Variants in CADPS2 observed in about 807,000 individuals in gnomAD.
CADPS2 encodes the protein calcium dependent secretion activator 2, also known as calcium-dependent secretion activator 2.
A neutral mutation model predicts 172.5 loss-of-function variants in CADPS2; 93 were observed. The observed-to-expected ratio is 0.54, with a 90% CI of 0.46 to 0.64. The LOEUF is 0.64. Ranked by LOEUF, CADPS2 falls within the 30% of genes least tolerant of loss-of-function variation. The pLI, the probability that CADPS2 is intolerant of heterozygous loss-of-function variation, is 0.00. For synonymous variants in CADPS2, 546 were observed against 555.2 expected (o/e 0.98, Z 0.23); for missense variants, 1,420 against 1,565.9 (o/e 0.91, Z 1.57).
At chr7:122,335,734 A>G (rs1585084122) in intron 28 of CADPS2, among the ~76,000 whole-genome samples, 1 of 152,212 alleles carries the variant, frequency 6.6e-6, no homozygotes, top group Non-Finnish European at 1.5e-5. Context: ...GTTTCAAAGG[A>G]CAGCCACAAA....
At chr7:122,698,198 C>G (rs778338616) in intron 2 of CADPS2, 2 of 1,613,910 alleles carry the variant, frequency 1.2e-6, no homozygotes, top group South Asian at 2.2e-5. Context: ...TCTTTTACTA[C>G]TCGAAGTTGG....
chr7:122,535,145 C>T (rs1052986956), intron 8 of CADPS2, among the ~76,000 whole-genome samples: 3 of 152,042 alleles, frequency 2.0e-5, no homozygotes, highest in African/African-American at 7.2e-5. Flanking sequence ...ACTTGAGTAT[C>T]GTGAACTGAC....
chr7:122,531,538 ATAC>A (rs2061754259), intron 8 of CADPS2, among the ~76,000 whole-genome samples: 1 of 152,194 alleles, frequency 6.6e-6, no homozygotes, highest in Non-Finnish European at 1.5e-5. Context: ...TAGAGTCCCT[ATAC>A]TAATATACTT....
intron 2 of CADPS2, among the ~76,000 whole-genome samples, chr7:122,677,833 G>A (rs1431006209): frequency 2.6e-5 from 4 of 152,150 alleles, no homozygotes; most frequent in African/African-American, 9.7e-5. Flanking sequence ...GAGCTGGAAG[G>A]GCCAATGAGT....
intron 25 of CADPS2, among the ~76,000 whole-genome samples, chr7:122,370,897 TAA>T (rs2041684596): frequency 6.6e-6 from 1 of 152,158 alleles, no homozygotes; most frequent in African/African-American, 2.4e-5. Flanking sequence ...TAGGTGATGC[TAA>T]AAAGTTTTTC....
In CADPS2 at chr7:122,548,659, T is replaced by C. The variant is rs568755860; in HGVS notation, c.1475+5891A>G. ...AACATACAATGAGCACCACCAGTTATTTAAAAAGTGTTAGACAGCATTAGA... is the reference window on the plus strand; with the variant it reads ...AACATACAATGAGCACCACCAGTTACTTAAAAAGTGTTAGACAGCATTAGA... On this transcript the variant is annotated intron_variant, in intron 8 of 29. Transcript: ENST00000449022. 3.3e-5 allele frequency among the ~76,000 whole-genome samples: 5 copies of C among 152,296 alleles called. No individual in the cohort carries two copies. In the South Asian group the frequency reaches 1.0e-3, roughly 32 times the overall value.
At chr7:122,553,178 C>T (rs556776095) in intron 8 of CADPS2, among the ~76,000 whole-genome samples, 1 of 152,278 alleles carries the variant, frequency 6.6e-6, no homozygotes, top group East Asian at 1.9e-4. Context: ...TCTTACAGCA[C>T]TTATCACTAT....
In CADPS2 at chr7:122,863,841, C is replaced by T. The variant is rs529139307; in HGVS notation, c.339+22158G>A. ...GGTCAGGCATTTGAGAACAGCCTGG[C>T]CAACATGGCAAAACCCCATCTCTAC... On this transcript the variant is annotated intron_variant, in intron 1 of 29. Transcript: ENST00000449022. Among the ~76,000 whole-genome samples, 80 of 152,226 alleles carry T rather than the reference C, an allele frequency of 5.3e-4. 1 individual carries two copies. Among genetic ancestry groups the T allele is most frequent in the African/African-American group, 1.9e-3 (79 of 41,536 alleles).
intron 2 of CADPS2, among the ~76,000 whole-genome samples, chr7:122,685,890 T>G (rs1325699624): frequency 6.6e-6 from 1 of 152,218 alleles, no homozygotes; most frequent in Non-Finnish European, 1.5e-5. Context: ...CAGAGGAAGA[T>G]GCCACAAACC....
Position 122,451,458 on chromosome 7 carries a change from G to T in CADPS2, c.2204C>A (p.Thr735Asn). 1 of 1,575,158 alleles carries T rather than the reference G, an allele frequency of 6.3e-7. No homozygotes were observed. Among genetic ancestry groups the T allele is most frequent in the Non-Finnish European group, 8.6e-7 (1 of 1,160,130 alleles). The change falls in exon 15 of 30, where the codon ACT becomes AAT. Residue 735 changes from threonine to asparagine, a missense_variant. Physicochemically the swap from Thr to Asn is moderately conservative, Grantham distance 65 (BLOSUM62 0). Transcript: ENST00000449022. ...VHGNRPDGIG[T>N]VSVEEKERFE... ...TCTTTCTTTTTCTTCCACTGAAACA[G>T]TCCCAATTCCATCAGGCCTGAAAAA...
intron 7 of CADPS2, among the ~76,000 whole-genome samples, chr7:122,559,110 C>A (rs996480448): frequency 6.6e-5 from 10 of 152,102 alleles, no homozygotes; most frequent in Admixed American, 2.0e-4. Flanking sequence ...TGAGTGCATT[C>A]AGCAATTCTT....
chr7:122,706,829 T>C (rs894760963), intron 2 of CADPS2, among the ~76,000 whole-genome samples: 3 of 149,020 alleles, frequency 2.0e-5, no homozygotes, highest in African/African-American at 7.4e-5. Context: ...TATATGTATG[T>C]ACACACACAC....
At chr7:122,473,649 A>G (rs2056263347) in intron 13 of CADPS2, among the ~76,000 whole-genome samples, 1 of 152,188 alleles carries the variant, frequency 6.6e-6, no homozygotes, top group African/African-American at 2.4e-5. Flanking sequence ...GGCTGCAAAA[A>G]TTTCAGATGA....
chr7:122,698,062 C>T (rs1224943125), intron 2 of CADPS2: 1 of 1,613,790 alleles, frequency 6.2e-7, no homozygotes, highest in Non-Finnish European at 8.5e-7. Flanking sequence ...GGGTAAAATC[C>T]AGGGGTCAAT....
intron 1 of CADPS2, among the ~76,000 whole-genome samples, chr7:122,772,981 A>G (rs1419271069): frequency 1.3e-5 from 2 of 152,134 alleles, no homozygotes; most frequent in Admixed American, 6.5e-5. Context: ...TGAAAAGCCA[A>G]CAAATGGGAA....
At chr7:122,645,985 C>T (rs1241198513) in intron 3 of CADPS2, among the ~76,000 whole-genome samples, 1 of 151,604 alleles carries the variant, frequency 6.6e-6, no homozygotes, top group Non-Finnish European at 1.5e-5. Context: ...ATAGTTGAAT[C>T]TGTATTCACA....
intron 12 of CADPS2, chr7:122,480,039 G>A: frequency 2.1e-6 from 1 of 465,280 alleles, no homozygotes; most frequent in Non-Finnish European, 4.5e-6. Context: ...CATTTTGGTT[G>A]GAGAGAACAA....
intron 1 of CADPS2, among the ~76,000 whole-genome samples, chr7:122,753,494 C>A (rs1477705707): frequency 1.3e-5 from 2 of 152,178 alleles, no homozygotes; most frequent in African/African-American, 2.4e-5. Context: ...CATACCTGTA[C>A]TCCTACAGTG....
chr7:122,833,565 T>C (rs1807301275), intron 1 of CADPS2, among the ~76,000 whole-genome samples: 2 of 151,952 alleles, frequency 1.3e-5, no homozygotes, highest in Admixed American at 6.6e-5. Context: ...GTTTTGTTTT[T>C]TTGTAATTTT....
Sources: allele counts gnomAD v4.1 joint callset (sites outside exome capture counted in the v4.1 genomes callset), GRCh38; gene constraint gnomAD v4.1.1; transcripts MANE v1.5; gene names NCBI Gene and HGNC (gene_info 2026-07-23, HGNC 2026-07-21).